Variants in CACNA1C observed in about 807,000 individuals in gnomAD.
CACNA1C encodes calcium voltage-gated channel subunit alpha1 C, also known as voltage-dependent L-type calcium channel subunit alpha-1C.
Under a neutral mutation model 229.0 loss-of-function variants are expected in CACNA1C, and 30 were observed. The observed-to-expected ratio is 0.13, with a 90% confidence interval of 0.10 to 0.18. The LOEUF is 0.18. CACNA1C is among the 10% of genes least tolerant of loss of function. The probability of loss-of-function intolerance (pLI) is 1.00; values close to 1 mark genes in which losing one functional copy is unlikely to be tolerated. For synonymous variants in CACNA1C, 1,114 were observed against 1,132.5 expected, an observed-to-expected ratio of 0.98 and a Z score of 0.33; for missense variants, 1,658 against 2,845.0, an observed-to-expected ratio of 0.58 and a Z score of 9.49.
rs138074648 is a variant in CACNA1C at position 2,301,098 on chromosome 12, C to T, written c.478-147878C>T. On this transcript the variant is annotated intron_variant, in intron 3 of 46. Transcript: ENST00000399655. ...TCCTGTCGTGAGCCGGTCCTCAGGG[C>T]GGCATCTGCCCAGGAAGCCACAGGC... is the stretch of plus-strand genomic sequence containing the variant. Among the ~76,000 whole-genome samples the T allele has an allele frequency of 1.9e-3, 288 of 152,236 alleles. 3 individuals are homozygous for T. The highest frequency in any genetic ancestry group is 6.8e-3 in the African/African-American group (282 of 41,554).
chr12:2,535,058 A>T (rs1019460417), intron 9 of CACNA1C, among the ~76,000 whole-genome samples: 1 of 152,200 alleles, frequency 6.6e-6, no homozygotes, highest in African/African-American at 2.4e-5. Flanking sequence ...CTAGAAATGC[A>T]TGAAGCCGCA....
chr12:2,253,983 G>A (rs998820071), intron 3 of CACNA1C, among the ~76,000 whole-genome samples: 1 of 152,336 alleles, frequency 6.6e-6, no homozygotes, highest in Admixed American at 6.5e-5. Flanking sequence ...GGATCCAGGG[G>A]AGGGCTGGAT....
intron 3 of CACNA1C, among the ~76,000 whole-genome samples, chr12:2,135,534 C>G (rs1363198654): frequency 2.3e-5 from 3 of 131,590 alleles, no homozygotes; most frequent in South Asian, 2.3e-4. Flanking sequence ...CAGACAGGAC[C>G]CTCAGCTGCA....
chr12:2,203,545 G>T (rs1311361436), intron 3 of CACNA1C, among the ~76,000 whole-genome samples: 1 of 152,156 alleles, frequency 6.6e-6, no homozygotes, highest in Non-Finnish European at 1.5e-5. Flanking sequence ...GTTACAGGAC[G>T]GATTAGGAGT....
intron 3 of CACNA1C, among the ~76,000 whole-genome samples, chr12:2,189,161 A>T (rs919220930): frequency 4.6e-5 from 7 of 151,294 alleles, no homozygotes; most frequent in African/African-American, 1.7e-4. Flanking sequence ...CAGCTTTTCT[A>T]AGTGTTGGGA....
chr12:2,221,858 C>T (rs2061542089), intron 3 of CACNA1C, among the ~76,000 whole-genome samples: 1 of 152,166 alleles, frequency 6.6e-6, no homozygotes, highest in African/African-American at 2.4e-5. Flanking sequence ...ACCATGTAGC[C>T]ATTCAAATGA....
At chr12:2,018,916 A>G (rs1274604096) in intron 1 of CACNA1C, among the ~76,000 whole-genome samples, 5 of 152,162 alleles carry the variant, frequency 3.3e-5, no homozygotes, top group Admixed American at 2.0e-4. Context: ...TGAACCAGCT[A>G]AAGAAGTGGT....
At chr12:2,648,668 G>A (rs926059153) in intron 31 of CACNA1C, among the ~76,000 whole-genome samples, 161 bp downstream of exon 31, 6 of 151,952 alleles carry the variant, frequency 3.9e-5, no homozygotes, top group Admixed American at 1.3e-4. Context: ...TTCCCTTCTC[G>A]TGTGAGCTGT....
chr12:2,425,104 C>T (rs1158050536), intron 3 of CACNA1C, among the ~76,000 whole-genome samples: 4 of 152,298 alleles, frequency 2.6e-5, no homozygotes, highest in South Asian at 4.1e-4. Flanking sequence ...GGGATAGGCC[C>T]GGAATCATTG....
chr12:2,053,496 G>A lies in CACNA1C; in HGVS notation c.-67G>A. 6.5e-7 allele frequency: 1 copy of A among 1,538,152 alleles called. No homozygotes were observed. The highest frequency in any genetic ancestry group is 8.8e-7 in the Non-Finnish European group (1 of 1,139,804). On this transcript the variant is annotated 5_prime_UTR_variant, in exon 1 of 47. Coordinates refer to ENST00000399655, the MANE Select transcript of CACNA1C (RefSeq NM_000719.7). This position sits in a 1 kb window ranked among gnomAD's most constrained non-coding sequence, Gnocchi z 5.8. ...TCGGAGGAGGGATTAATCCAGACCC[G>A]CCGGGGGGTGTTTTCACATTTCTTC... is the stretch of plus-strand genomic sequence containing the variant.
chr12:2,567,872 C>T, intron 13 of CACNA1C, 78 bp downstream of exon 13: 1 of 826,740 alleles, frequency 1.2e-6, no homozygotes, highest in South Asian at 1.7e-5. Context: ...GTGGCAAGGC[C>T]TGGGTGGGAG....
At chr12:2,468,125 G>T (rs1479487323) in intron 5 of CACNA1C, among the ~76,000 whole-genome samples, 1 of 152,226 alleles carries the variant, frequency 6.6e-6, no homozygotes, top group Non-Finnish European at 1.5e-5. Flanking sequence ...TGCTATAGTG[G>T]AGTTTCACTG....
At chr12:2,311,579 G>A (rs186378447) in intron 3 of CACNA1C, among the ~76,000 whole-genome samples, 61 of 152,258 alleles carry the variant, frequency 4.0e-4, no homozygotes, top group Admixed American at 7.8e-4. Flanking sequence ...AGGCGACAGC[G>A]TGAGAAGCCT....
chr12:2,100,391 C>T (rs891956682), intron 1 of CACNA1C, among the ~76,000 whole-genome samples: 5 of 144,892 alleles, frequency 3.5e-5, no homozygotes, highest in South Asian at 2.3e-4. Context: ...TGCTTGAACC[C>T]GGGAGGCAGA....
At chr12:2,356,833 T>C (rs920569750) in intron 3 of CACNA1C, among the ~76,000 whole-genome samples, 1 of 152,174 alleles carries the variant, frequency 6.6e-6, no homozygotes, top group African/African-American at 2.4e-5. Context: ...TCCACCTGCA[T>C]TCCCATTCCA....
chr12:2,690,317 CCTT>C (rs2097754134), intron 46 of CACNA1C: 1 of 153,228 alleles, frequency 6.5e-6, no homozygotes, highest in Non-Finnish European at 1.5e-5. Context: ...GAGAGCCAAA[CCTT>C]CTCTGGTTTT....
intron 37 of CACNA1C, chr12:2,668,665 A>C (rs2096373930): frequency 2.5e-6 from 1 of 401,684 alleles, no homozygotes; most frequent in East Asian, 4.4e-5. Context: ...GGAGCAAGAG[A>C]GAAGGGGGAG....
At position 2,682,597 on chromosome 12, in the gene CACNA1C, C is replaced by T. The variant is rs186015395; in HGVS notation, c.5492C>T (p.Thr1831Met). ...SQAAMAGQEE[T>M]SQDETYEVKM... Reference sequence around the variant, plus strand: ...GCAGCCATGGCGGGTCAGGAGGAGACGTCTCAGGATGAGACCTATGAAGTG... The same window carrying T: ...GCAGCCATGGCGGGTCAGGAGGAGATGTCTCAGGATGAGACCTATGAAGTG... Residue 1831 changes from threonine (T) to methionine (M), a missense_variant, in exon 43 of 47, where the codon ACG becomes ATG. Coordinates refer to ENST00000399655, the MANE Select transcript of CACNA1C (RefSeq NM_000719.7). The T allele has an allele frequency of 8.9e-5, 144 of 1,612,232 alleles. 1 individual carries two copies. The highest frequency in any genetic ancestry group is 4.0e-4 in the South Asian group (36 of 90,874).
chr12:2,031,529 G>T (rs1042356224), intron 1 of CACNA1C, among the ~76,000 whole-genome samples: 2 of 152,154 alleles, frequency 1.3e-5, no homozygotes, highest in Non-Finnish European at 2.9e-5. Flanking sequence ...ATTGGATAAT[G>T]AGTTTCTTTT....
Sources: gnomAD v4.1 joint callset for allele counts (sites outside exome capture counted in the v4.1 genomes callset) on GRCh38, gnomAD v4.1.1 for gene constraint, Gnocchi (gnomAD v3.1) non-coding constraint, MANE v1.5 for transcripts, NCBI Gene and HGNC (gene_info 2026-07-23, HGNC 2026-07-21) for gene names.